Variants in SNX31 observed in about 807,000 individuals in gnomAD.
SNX31 encodes the protein sorting nexin-31.
SNX31 carries 58 observed loss-of-function variants against 65.4 expected under a neutral mutation model. The ratio of observed to expected loss-of-function variants is 0.89; its 90% CI spans 0.72 to 1.10. The LOEUF (loss-of-function observed/expected upper bound fraction) is 1.10, where lower values mean the gene tolerates loss of function less well. Among genes scored for constraint, SNX31 ranks in the 50% least tolerant of loss-of-function variants. SNX31 has a pLI of 0.00. For missense variants in SNX31, 523 were observed against 529.7 expected (o/e 0.99, Z 0.12); for synonymous variants, 181 against 190.1 (o/e 0.95, Z 0.39).
Position 100,573,961 on chromosome 8 carries a change from C to T in SNX31, c.1228-1G>A. 6.6e-7 allele frequency: 1 copy of T among 1,523,926 alleles called. No individual in the cohort carries two copies. The highest frequency in any genetic ancestry group is 8.9e-7 in the Non-Finnish European group (1 of 1,120,836). 94.4% of individuals were successfully genotyped at this position (1,523,926 alleles called of 1,614,324 possible). On this transcript the variant is annotated splice_acceptor_variant, in intron 13 of 13. Coordinates refer to ENST00000311812, the MANE Select transcript of SNX31 (RefSeq NM_152628.4). LOFTEE classifies it high-confidence loss of function. ...ATAGAAAACTAGAATAGTCTTTCTG[C>T]TGTGAAGTAAACAGAGAGGTCAGAA... is the stretch of plus-strand genomic sequence containing the variant.
At chr8:100,653,199 G>T (rs1813835), upstream of SNX31, among the ~76,000 whole-genome samples, 1 of 151,990 alleles carries the variant, frequency 6.6e-6, no homozygotes, top group Non-Finnish European at 1.5e-5. Flanking sequence ...GTCTGTGTTG[G>T]GTGCTCTAGG....
At chr8:100,638,789 AAAC>A (rs1818951011) in intron 2 of SNX31, among the ~76,000 whole-genome samples, 2 of 152,370 alleles carry the variant, frequency 1.3e-5, no homozygotes, top group South Asian at 4.1e-4. Flanking sequence ...CCCAAAATTT[AAAC>A]AACAAAGATG....
rs1440479663 is a variant in SNX31 at position 100,592,512 on chromosome 8, C to T, written c.979-3533G>A. Among the ~76,000 whole-genome samples the T allele has an allele frequency of 2.0e-5, 3 of 152,158 alleles. No individual in the cohort carries two copies. The East Asian group carries it at 5.8e-4, about 29-fold the overall frequency. On this transcript the variant is annotated intron_variant, in intron 10 of 13. Coordinates refer to ENST00000311812, the MANE Select transcript of SNX31 (RefSeq NM_152628.4). ...AGGATGAGGAGAAATCAAAACCCTC[C>T]ACTGCTGCTGGGGATATAAAATGGT...
intron 12 of SNX31, among the ~76,000 whole-genome samples, chr8:100,580,828 A>C (rs1813428785): frequency 6.6e-6 from 1 of 152,214 alleles, no homozygotes; most frequent in Non-Finnish European, 1.5e-5. Flanking sequence ...TTTCTATTAC[A>C]TGCAGCAAAA....
intron 3 of SNX31, among the ~76,000 whole-genome samples, chr8:100,635,222 T>TTTTATTTATTTATTTATTTGTTTA (rs1818679157): frequency 6.7e-6 from 1 of 149,672 alleles, no homozygotes; most frequent in Non-Finnish European, 1.5e-5. Flanking sequence ...ACCTCATCTC[T>TTTTATTTATTTATTTATTTGTTTA]TTTATTTATT....
intron 7 of SNX31, among the ~76,000 whole-genome samples, chr8:100,611,641 G>A (rs991810142): frequency 2.6e-5 from 4 of 152,054 alleles, no homozygotes; most frequent in African/African-American, 4.8e-5. Flanking sequence ...CTGCAGCCTC[G>A]ATCTTCTGGG....
chr8:100,617,764 C>A (rs1563555567), intron 4 of SNX31, 34 bp from the exon 5 acceptor site: 4 of 1,508,902 alleles, frequency 2.7e-6, no homozygotes, highest in Admixed American at 1.9e-5. Flanking sequence ...TAAATTTCCA[C>A]ACCTTTTTTT....
intron 1 of SNX31, among the ~76,000 whole-genome samples, chr8:100,655,450 T>C (rs1043278753): frequency 2.0e-5 from 3 of 152,122 alleles, no homozygotes; most frequent in Non-Finnish European, 4.4e-5. Context: ...ATGGGGGCAG[T>C]TTCCCCCATA....
At chr8:100,650,063 GC>G (rs11294701), upstream of SNX31, among the ~76,000 whole-genome samples, 67,386 of 151,570 alleles carry the variant, frequency 0.44, 15,321 homozygotes, top group South Asian at 0.53. Context: ...AATACCAGAA[GC>G]CCCCCCCAAA....
At chr8:100,581,722 A>G (rs1432153751) in intron 12 of SNX31, among the ~76,000 whole-genome samples, 5 of 152,116 alleles carry the variant, frequency 3.3e-5, no homozygotes, top group African/African-American at 7.2e-5. Context: ...CAAGCCTTCT[A>G]TAAGTGCTAT....
intron 2 of SNX31, 67 bp downstream of exon 2, chr8:100,649,207 C>T (rs1231584710): frequency 9.9e-6 from 15 of 1,513,822 alleles, no homozygotes; most frequent in African/African-American, 1.4e-5. Context: ...AGGAACAGAG[C>T]GCTTTGGGGA....
At chr8:100,643,044 A>T (rs1442314049) in intron 2 of SNX31, among the ~76,000 whole-genome samples, 1 of 152,066 alleles carries the variant, frequency 6.6e-6, no homozygotes, top group South Asian at 2.1e-4. Flanking sequence ...TACAAAAATT[A>T]GCCAGGTGTG....
chr8:100,634,826 T>C (rs544391194), intron 3 of SNX31, among the ~76,000 whole-genome samples: 49 of 151,508 alleles, frequency 3.2e-4, no homozygotes, highest in Non-Finnish European at 6.3e-4. Context: ...GAGGCTGACA[T>C]GGGAGGATTG....
In SNX31 at chr8:100,575,452, G is replaced by C. The variant is rs574353667; in HGVS notation, c.1228-1492C>G. On this transcript the variant is annotated intron_variant, in intron 13 of 13. Transcript: ENST00000311812. This position sits in a 1 kb window ranked among gnomAD's most constrained non-coding sequence, Gnocchi z 5.1. The stretch of plus-strand genomic sequence containing the variant: ...ATAGTTGGACACTAGGTCTCTTTCC[G>C]ACCTGCTGGTCCTACTCACAGCATG... Among the ~76,000 whole-genome samples the C allele has an allele frequency of 1.3e-5, 2 of 152,166 alleles. No homozygotes were observed. The highest frequency in any genetic ancestry group is 4.8e-5 in the African/African-American group (2 of 41,424).
At chr8:100,644,229 C>G (rs759669757) in intron 2 of SNX31, among the ~76,000 whole-genome samples, 3 of 152,172 alleles carry the variant, frequency 2.0e-5, no homozygotes, top group Non-Finnish European at 2.9e-5. Flanking sequence ...ACTGACGGGT[C>G]CTTTGCAAGC....
intron 8 of SNX31, among the ~76,000 whole-genome samples, chr8:100,608,177 C>T (rs1038793923): frequency 4.6e-5 from 7 of 152,156 alleles, no homozygotes; most frequent in Non-Finnish European, 7.3e-5. Context: ...ATATATACAA[C>T]GTAACTTGTC....
At chr8:100,649,713 A>C, upstream of SNX31, 1 of 476,524 alleles carries the variant, frequency 2.1e-6, no homozygotes, top group Non-Finnish European at 3.7e-6. Context: ...TCCCCGCCCC[A>C]TCCAGCCCCG....
At chr8:100,638,948 T>C (rs1448775794) in intron 2 of SNX31, among the ~76,000 whole-genome samples, 3 of 152,220 alleles carry the variant, frequency 2.0e-5, no homozygotes, top group Admixed American at 6.5e-5. Context: ...GGAGTCAGTC[T>C]GGAAAAGCTA....
intron 7 of SNX31, 134 bp downstream of exon 7, chr8:100,611,866 T>C (rs1338493818): frequency 7.2e-6 from 5 of 690,886 alleles, no homozygotes; most frequent in Non-Finnish European, 1.3e-5. Flanking sequence ...TTCATTGCTT[T>C]TCTCAGAGCC....
Sources: allele counts gnomAD v4.1 joint callset (sites outside exome capture counted in the v4.1 genomes callset), GRCh38; gene constraint gnomAD v4.1.1; non-coding constraint Gnocchi (gnomAD v3.1); transcripts MANE v1.5; gene names NCBI Gene and HGNC (gene_info 2026-07-23, HGNC 2026-07-21).